The following RRAS2 variants were observed in gnomAD, a reference collection of about 807,000 sequenced individuals.
The protein encoded by RRAS2 is ras-related protein R-Ras2.
Under a neutral mutation model 27.6 loss-of-function variants are expected in RRAS2, and 7 were observed. The observed-to-expected ratio is 0.25, with a 90% CI of 0.14 to 0.48. The LOEUF is 0.48. RRAS2 is among the 20% of genes least tolerant of loss of function. The pLI is 0.99. For synonymous variants in RRAS2, 86 were observed against 90.9 expected (o/e 0.95, Z 0.31); for missense variants, 178 against 256.2 (o/e 0.69, Z 2.08).
chr11:14,321,147 C>T (rs1848214566), intron 1 of RRAS2, among the ~76,000 whole-genome samples: 1 of 151,778 alleles, frequency 6.6e-6, no homozygotes, highest in East Asian at 1.9e-4. Context: ...CCAGTGCACT[C>T]CACCCTAGAC....
chr11:14,318,862 A>G (rs782745674), intron 1 of RRAS2, among the ~76,000 whole-genome samples: 1 of 152,252 alleles, frequency 6.6e-6, no homozygotes, highest in Non-Finnish European at 1.5e-5. Context: ...TCAGGGAAAC[A>G]TATCTGTATA....
intron 1 of RRAS2, among the ~76,000 whole-genome samples, chr11:14,317,756 C>G: frequency 6.6e-6 from 1 of 152,134 alleles, no homozygotes; most frequent in Non-Finnish European, 1.5e-5. Flanking sequence ...CAAAACAAAT[C>G]ATTGCAAACT....
chr11:14,313,984 T>C (rs1554949210), intron 1 of RRAS2, among the ~76,000 whole-genome samples: 1 of 152,222 alleles, frequency 6.6e-6, no homozygotes, highest in African/African-American at 2.4e-5. Context: ...GTATTTTTAA[T>C]TTATTATGTT....
chr11:14,328,079 G>T (rs551658147), intron 1 of RRAS2, among the ~76,000 whole-genome samples: 6 of 152,238 alleles, frequency 3.9e-5, no homozygotes, highest in African/African-American at 1.2e-4. Flanking sequence ...TAAAGAGTGA[G>T]AAAAATGGCC....
chr11:14,281,825 T>G, intron 4 of RRAS2, 105 bp from the exon 5 acceptor site: 4 of 943,004 alleles, frequency 4.2e-6, no homozygotes, highest in Non-Finnish European at 6.5e-6. Flanking sequence ...GAGGCCAAGT[T>G]GTTTTATCAT....
At chr11:14,324,545 C>A (rs1411874941) in intron 1 of RRAS2, among the ~76,000 whole-genome samples, 1 of 151,760 alleles carries the variant, frequency 6.6e-6, no homozygotes, top group Non-Finnish European at 1.5e-5. Flanking sequence ...TTTAACATTA[C>A]TGGGTTTTTC....
In RRAS2 at chr11:14,358,539, T is replaced by C. The variant is rs1212037789; in HGVS notation, c.108+224A>G. ...AGCTCCGCCCTCCCGACCACATTCC[T>C]GAGAAGCCCTACTCCCGCGACGCCG... On this transcript the variant is annotated intron_variant, in intron 1 of 5. Transcript: ENST00000256196. This position sits in a 1 kb window ranked among gnomAD's most constrained non-coding sequence, Gnocchi z 5.1. 3.0e-6 allele frequency: 3 copies of C among 985,272 alleles called. No homozygotes were observed. Among genetic ancestry groups the C allele is most frequent in the South Asian group, 4.7e-5 (1 of 21,248 alleles). The allele number at this position is 985,272 out of a possible 1,614,324, so 61.0% of individuals were successfully genotyped here.
intron 1 of RRAS2, among the ~76,000 whole-genome samples, chr11:14,356,933 G>A (rs992499922): frequency 6.6e-6 from 1 of 151,522 alleles, no homozygotes; most frequent in African/African-American, 2.4e-5. Context: ...GACTACAGGC[G>A]CGCGCCACCA....
intron 4 of RRAS2, among the ~76,000 whole-genome samples, chr11:14,285,627 G>A (rs1554944916): frequency 1.3e-5 from 2 of 152,160 alleles, no homozygotes; most frequent in Non-Finnish European, 2.9e-5. Flanking sequence ...ATCTGCTGCG[G>A]ATGAATTATC....
At chr11:14,316,115 T>A (rs1232756605) in intron 1 of RRAS2, among the ~76,000 whole-genome samples, 1 of 152,184 alleles carries the variant, frequency 6.6e-6, no homozygotes, top group Admixed American at 6.5e-5. Context: ...TCTTCCACCA[T>A]CTTGGACTAA....
chr11:14,329,274 C>T (rs1848437644), intron 1 of RRAS2, among the ~76,000 whole-genome samples: 1 of 151,810 alleles, frequency 6.6e-6, no homozygotes, highest in African/African-American at 2.4e-5. Flanking sequence ...GCCCCCACAC[C>T]CAGCTAATTT....
chr11:14,289,273 G>C (rs952296829), intron 4 of RRAS2, among the ~76,000 whole-genome samples: 18 of 152,096 alleles, frequency 1.2e-4, no homozygotes, highest in African/African-American at 4.3e-4. Flanking sequence ...TAATAATTAA[G>C]CAACTAAAAG....
At chr11:14,342,033 CT>C in intron 1 of RRAS2, 1 of 732,260 alleles carries the variant, frequency 1.4e-6, no homozygotes, top group Non-Finnish European at 1.8e-6. Flanking sequence ...TCTATACTAG[CT>C]TTTATCAGTA....
chr11:14,337,789 T>C (rs1426157804), intron 1 of RRAS2, among the ~76,000 whole-genome samples: 1 of 152,096 alleles, frequency 6.6e-6, no homozygotes, highest in Non-Finnish European at 1.5e-5. Context: ...CTCAGAATCT[T>C]ATGTACAGTA....
At chr11:14,355,780 G>T (rs1849060290) in intron 1 of RRAS2, among the ~76,000 whole-genome samples, 1 of 152,084 alleles carries the variant, frequency 6.6e-6, no homozygotes, top group Non-Finnish European at 1.5e-5. Context: ...TCCAATTTGT[G>T]CCATTCTAAT....
At chr11:14,318,958 T>C (rs10832242) in intron 1 of RRAS2, among the ~76,000 whole-genome samples, 45,349 of 152,112 alleles carry the variant, frequency 0.3, 7,715 homozygotes, top group South Asian at 0.43. Flanking sequence ...TATTAATTCA[T>C]TGAAACCTCA....
rs576774959 is a variant in RRAS2, at chr11:14,352,369, C to A, written c.108+6394G>T. 2.6e-5 allele frequency among the ~76,000 whole-genome samples: 4 copies of A among 152,282 alleles called. No individual in the cohort carries two copies. In the South Asian group the frequency reaches 8.3e-4, roughly 32 times the overall value. On this transcript the variant is annotated intron_variant, in intron 1 of 5. Coordinates refer to ENST00000256196, the MANE Select transcript of RRAS2 (RefSeq NM_012250.6). ...TTTATAAGACATCAAGGAGCTCAGTCCAATTATTCTCAAGTACAATTTAAG... is the reference window on the plus strand; with the variant it reads ...TTTATAAGACATCAAGGAGCTCAGTACAATTATTCTCAAGTACAATTTAAG...
intron 4 of RRAS2, among the ~76,000 whole-genome samples, chr11:14,293,553 G>A (rs533822072): frequency 4.7e-4 from 72 of 151,830 alleles, no homozygotes; most frequent in Middle Eastern, 6.8e-3. Context: ...TGAATCATCC[G>A]CGGTTTCCCC....
intron 3 of RRAS2, 74 bp from the exon 4 acceptor site, chr11:14,294,653 A>G: frequency 2.1e-6 from 3 of 1,451,540 alleles, no homozygotes; most frequent in Non-Finnish European, 2.9e-6. Context: ...TCATGCCCCA[A>G]TTAGTACTTT....
Sources: gnomAD v4.1 joint callset for allele counts (sites outside exome capture counted in the v4.1 genomes callset) on GRCh38, gnomAD v4.1.1 for gene constraint, Gnocchi (gnomAD v3.1) non-coding constraint, MANE v1.5 for transcripts, NCBI Gene and HGNC (gene_info 2026-07-23, HGNC 2026-07-21) for gene names.